Variants in DNAH5 observed in about 807,000 individuals in gnomAD.
The protein encoded by DNAH5 is axonemal beta dynein heavy chain 5.
In DNAH5, 372 loss-of-function variants were observed where a neutral mutation model predicts 518.2. That is an observed-to-expected ratio of 0.72 (90% CI 0.66 to 0.78). The LOEUF is 0.78. Among genes scored for constraint, DNAH5 ranks in the 30% least tolerant of loss-of-function variants. The pLI is 0.00. For missense variants in DNAH5, 5,523 were observed against 5,687.0 expected (o/e 0.97, Z 0.93); for synonymous variants, 2,039 against 2,025.9 (o/e 1.01, Z -0.17).
chr5:13,771,084 C>T (rs190489271), intron 55 of DNAH5, 104 bp from the exon 56 acceptor site: 181 of 1,059,274 alleles, frequency 1.7e-4, no homozygotes, highest in Middle Eastern at 1.5e-3. Flanking sequence ...GGAATGCAAA[C>T]CATTTTTGTA....
chr5:13,927,341 A>C (rs1447806249), intron 3 of DNAH5, among the ~76,000 whole-genome samples: 1 of 151,866 alleles, frequency 6.6e-6, no homozygotes, highest in African/African-American at 2.4e-5. Flanking sequence ...AAAATACAAA[A>C]ATTAGTTGGG....
intron 59 of DNAH5, 104 bp downstream of exon 59, chr5:13,765,872 G>A: frequency 8.8e-7 from 1 of 1,138,918 alleles, no homozygotes; most frequent in Non-Finnish European, 1.3e-6. Context: ...AAAAAATCAT[G>A]TATGTAGAGT....
intron 1 of DNAH5, among the ~76,000 whole-genome samples, chr5:13,955,329 T>C (rs893873483): frequency 1.3e-5 from 2 of 152,116 alleles, no homozygotes; most frequent in Admixed American, 1.3e-4. Flanking sequence ...TGTGGAAACA[T>C]GAATCAATTA....
At chr5:13,854,877 T>C (rs1053711893) in intron 30 of DNAH5, among the ~76,000 whole-genome samples, 1 of 152,182 alleles carries the variant, frequency 6.6e-6, no homozygotes, top group Non-Finnish European at 1.5e-5. Context: ...AGCAAGTTCT[T>C]AGAGACCTAC....
chr5:13,914,550 T>C lies in DNAH5; in HGVS notation c.1290A>G (p.Glu430=), dbSNP rs990691780. 17 of 1,613,320 alleles carry C rather than the reference T, an allele frequency of 1.1e-5. No individual in the cohort carries two copies. The African/African-American group carries it at 2.1e-4, about 20-fold the overall frequency. The change falls in exon 10 of 79, where the codon GAA becomes GAG. Residue 430 remains glutamate (E), a synonymous_variant. Coordinates refer to ENST00000265104, the MANE Select transcript of DNAH5 (RefSeq NM_001369.3). ...IWNQPQDVVE[E]KILSAIKLKQ... is the part of the protein sequence containing the mutation. Reference sequence around the variant, plus strand: ...TCAGTTTAATCGCAGATAGTATTTTTTCTTCAACAACATCCTGTGGCTGGT... The same window carrying C: ...TCAGTTTAATCGCAGATAGTATTTTCTCTTCAACAACATCCTGTGGCTGGT...
Position 13,869,938 on chromosome 5 carries a change from G to T in DNAH5, c.3834+829C>A, listed in dbSNP as rs545119547. On this transcript the variant is annotated intron_variant, in intron 24 of 78. Transcript: ENST00000265104. ...TTTACTCAAGTGAATCTATTCAAGG[G>T]TGTCTGCTTGTAATGAAATCAACTG... Among the ~76,000 whole-genome samples, 11 of 152,094 alleles carry T rather than the reference G, an allele frequency of 7.2e-5. No homozygotes were observed. In the South Asian group the frequency reaches 1.7e-3, roughly 23 times the overall value.
chr5:13,916,223 A>C, intron 9 of DNAH5, 125 bp downstream of exon 9: 3 of 498,936 alleles, frequency 6.0e-6, no homozygotes, highest in Non-Finnish European at 1.1e-5. Context: ...TGATAGCCTA[A>C]GCCTTTTTAA....
chr5:13,764,205 A>C (rs1164047981), intron 59 of DNAH5, among the ~76,000 whole-genome samples: 1 of 152,226 alleles, frequency 6.6e-6, no homozygotes, highest in Non-Finnish European at 1.5e-5. Flanking sequence ...GGATGTGGGC[A>C]AAGATCTCCT....
In DNAH5 at chr5:13,692,036, G is replaced by C. The variant is rs1332216965; in HGVS notation, c.13823C>G (p.Thr4608Ser). The C allele has an allele frequency of 1.2e-6, 2 of 1,614,090 alleles. No individual in the cohort carries two copies. Among genetic ancestry groups the C allele is most frequent in the African/African-American group, 1.3e-5 (1 of 75,032 alleles). The change falls in exon 79 of 79, where the codon ACC (threonine) becomes AGC (serine). Residue 4608 changes from threonine (T) to serine (S), a missense_variant. Transcript: ENST00000265104. Reference sequence around the variant, plus strand: ...CCCACGGAGCACCCAGTGTTCAGGGGTCTGGGCTGTCCTGAGATCCACAGC... The same window carrying C: ...CCCACGGAGCACCCAGTGTTCAGGGCTCTGGGCTGTCCTGAGATCCACAGC... ...IAAVDLRTAQ[T>S]PEHWVLRGVA...
chr5:13,750,901 T>C (rs946805117), intron 65 of DNAH5, among the ~76,000 whole-genome samples, 177 bp downstream of exon 65: 11 of 152,146 alleles, frequency 7.2e-5, no homozygotes, highest in Non-Finnish European at 1.6e-4. Context: ...TATGAGTAGA[T>C]GACTGGTTAA....
chr5:13,743,642 G>A (rs912687030), intron 65 of DNAH5, among the ~76,000 whole-genome samples: 5 of 151,830 alleles, frequency 3.3e-5, no homozygotes, highest in African/African-American at 1.2e-4. Context: ...ATTAAAAAAT[G>A]GGCAAATTAT....
At chr5:13,700,172 C>G (rs188103055) in intron 78 of DNAH5, among the ~76,000 whole-genome samples, 77 of 152,282 alleles carry the variant, frequency 5.1e-4, no homozygotes, top group Non-Finnish European at 9.7e-4. Flanking sequence ...GCTGGTAGAA[C>G]CACAGCCTTC....
intron 47 of DNAH5, among the ~76,000 whole-genome samples, chr5:13,796,712 T>G (rs1453411310): frequency 2.0e-5 from 3 of 152,164 alleles, no homozygotes; most frequent in Non-Finnish European, 4.4e-5. Context: ...TTAAATTTCA[T>G]ATGGAACCAA....
At chr5:13,909,284 G>A (rs999331288) in intron 12 of DNAH5, among the ~76,000 whole-genome samples, 1 of 152,072 alleles carries the variant, frequency 6.6e-6, no homozygotes, top group Non-Finnish European at 1.5e-5. Flanking sequence ...TTACAAAATA[G>A]GCAGAGTAAG....
intron 30 of DNAH5, among the ~76,000 whole-genome samples, chr5:13,854,608 G>A (rs534371500): frequency 2.6e-5 from 4 of 152,250 alleles, no homozygotes; most frequent in Admixed American, 2.6e-4. Flanking sequence ...TCAGTGTGCT[G>A]TATTCAGGAG....
chr5:13,893,372 G>T (rs1046487612), intron 16 of DNAH5, among the ~76,000 whole-genome samples: 14 of 152,106 alleles, frequency 9.2e-5, no homozygotes, highest in Admixed American at 2.0e-4. Context: ...CAGTGATAAA[G>T]AAATGAAGAG....
At chr5:13,698,427 G>A (rs958983297) in intron 78 of DNAH5, among the ~76,000 whole-genome samples, 1 of 152,108 alleles carries the variant, frequency 6.6e-6, no homozygotes, top group African/African-American at 2.4e-5. Flanking sequence ...TTTCTCCTAG[G>A]GGAAATACAG....
chr5:13,894,658 G>A lies in DNAH5; in HGVS notation c.2423C>T (p.Ala808Val), dbSNP rs773346042. The A allele has an allele frequency of 1.9e-6, 3 of 1,613,898 alleles. No homozygotes were observed. Among genetic ancestry groups the A allele is most frequent in the Middle Eastern group, 1.6e-4 (1 of 6,062 alleles). Reference sequence around the variant, plus strand: ...TATTCAGGCAGACTTACTGATCTTTGCAAAAGTGTTTTCTAAATAAGCCTC... The same window carrying A: ...TATTCAGGCAGACTTACTGATCTTTACAAAAGTGTTTTCTAAATAAGCCTC... Reference protein sequence around the residue: ...NIEAYLENTFAKIKDLELLLD... With the variant: ...NIEAYLENTFVKIKDLELLLD... Residue 808 changes from alanine to valine, a missense_variant, in exon 16 of 79, where the codon GCA (alanine) becomes GTA (valine). Ala to Val is a moderately conservative substitution (Grantham distance 64, BLOSUM62 0). Around this residue, in one of 3 missense-constraint regions of DNAH5, gnomAD observed 5,121 missense variants for 5,223.3 expected, o/e 0.98. Coordinates refer to ENST00000265104, the MANE Select transcript of DNAH5 (RefSeq NM_001369.3).
intron 31 of DNAH5, among the ~76,000 whole-genome samples, chr5:13,848,375 T>C (rs1766342104): frequency 6.6e-6 from 1 of 152,204 alleles, no homozygotes. Flanking sequence ...AGTCCTCAAC[T>C]TTTTGCCACC....
Sources: allele counts gnomAD v4.1 joint callset (sites outside exome capture counted in the v4.1 genomes callset), GRCh38; gene constraint gnomAD v4.1.1; regional missense constraint gnomAD v4.1.1; transcripts MANE v1.5; gene names NCBI Gene and HGNC (gene_info 2026-07-23, HGNC 2026-07-21).